SYT1: variants seen among roughly 807,000 people sequenced by gnomAD.
SYT1 encodes the protein synaptotagmin-1.
A neutral mutation model predicts 44.8 loss-of-function variants in SYT1; 8 were observed. The observed-to-expected ratio is 0.18, with a 90% CI of 0.10 to 0.32. The LOEUF (loss-of-function observed/expected upper bound fraction) is 0.32. SYT1 is among the 10% of genes least tolerant of loss of function. The probability of loss-of-function intolerance (pLI) is 1.00; values close to 1 mark genes in which losing one functional copy is unlikely to be tolerated. For missense variants in SYT1, 286 were observed against 509.3 expected, an observed-to-expected ratio of 0.56 and a Z score of 4.22; for synonymous variants, 154 against 188.8, an observed-to-expected ratio of 0.82 and a Z score of 1.51.
intron 2 of SYT1, among the ~76,000 whole-genome samples, chr12:79,016,137 G>C (rs1176501124): frequency 6.6e-6 from 1 of 152,122 alleles, no homozygotes; most frequent in African/African-American, 2.4e-5. Context: ...CAAAGAGAAA[G>C]ACAGTTAAAA....
At chr12:79,100,792 T>A (rs1010658501) in intron 3 of SYT1, among the ~76,000 whole-genome samples, 3 of 152,080 alleles carry the variant, frequency 2.0e-5, no homozygotes. Context: ...TTAATTATAC[T>A]TATTACTTAG....
chr12:79,368,638 C>G (rs1447988060), intron 9 of SYT1, among the ~76,000 whole-genome samples: 1 of 151,654 alleles, frequency 6.6e-6, no homozygotes, highest in East Asian at 1.9e-4. Context: ...TTGCATTTCT[C>G]TGACGGCCAG....
chr12:79,398,146 C>T (rs1477170711), intron 9 of SYT1, among the ~76,000 whole-genome samples: 3 of 152,122 alleles, frequency 2.0e-5, no homozygotes, highest in African/African-American at 7.2e-5. Context: ...GTATGAAAGG[C>T]CAGTCTGATC....
intron 5 of SYT1, among the ~76,000 whole-genome samples, chr12:79,290,005 C>G (rs1304319034): frequency 1.3e-5 from 2 of 151,778 alleles, no homozygotes; most frequent in African/African-American, 4.8e-5. Flanking sequence ...TGTTTCCTGC[C>G]TTTAGCTATT....
At chr12:79,104,923 A>C (rs950047341) in intron 3 of SYT1, among the ~76,000 whole-genome samples, 4 of 152,064 alleles carry the variant, frequency 2.6e-5, no homozygotes, top group African/African-American at 9.7e-5. Flanking sequence ...GATTTATTAG[A>C]GATTCCGAGA....
rs1192757555 is a variant in SYT1, at chr12:79,245,842, C to A, written c.166+28157C>A. Reference sequence around the variant, plus strand: ...TTAACAGAGTAGTTTAAGAGGATTTCATGAAAAGTAAAAAGAATATATAAC... The same window carrying A: ...TTAACAGAGTAGTTTAAGAGGATTTAATGAAAAGTAAAAAGAATATATAAC... On this transcript the variant is annotated intron_variant, in intron 4 of 10. Coordinates refer to ENST00000261205, the MANE Select transcript of SYT1 (RefSeq NM_005639.3). Among the ~76,000 whole-genome samples the A allele has an allele frequency of 6.2e-4, 93 of 150,616 alleles. 1 individual carries two copies. The highest frequency in any genetic ancestry group is 1.0e-4 in the Non-Finnish European group (7 of 67,748).
chr12:78,866,897 TAA>T (rs1873574941), intron 1 of SYT1, among the ~76,000 whole-genome samples: 1 of 152,130 alleles, frequency 6.6e-6, no homozygotes, highest in Non-Finnish European at 1.5e-5. Context: ...GTTTAATATA[TAA>T]GTTTACACAC....
At chr12:78,896,849 T>G (rs550452288) in intron 1 of SYT1, among the ~76,000 whole-genome samples, 2 of 151,942 alleles carry the variant, frequency 1.3e-5, no homozygotes, top group East Asian at 3.9e-4. Context: ...CTTTACGATT[T>G]CTATATCTTT....
chr12:79,233,185 C>T (rs1875971911), intron 4 of SYT1, among the ~76,000 whole-genome samples: 1 of 152,188 alleles, frequency 6.6e-6, no homozygotes, highest in South Asian at 2.1e-4. Context: ...AGTGTCCTCA[C>T]CCCCAAGCAT....
intron 1 of SYT1, among the ~76,000 whole-genome samples, chr12:78,970,730 A>C (rs1326759503): frequency 6.6e-6 from 1 of 152,222 alleles, no homozygotes; most frequent in Non-Finnish European, 1.5e-5. Flanking sequence ...TGCAGATCAA[A>C]GACATCACTG....
At chr12:79,122,307 G>A (rs1175896061) in intron 3 of SYT1, among the ~76,000 whole-genome samples, 1 of 151,552 alleles carries the variant, frequency 6.6e-6, no homozygotes, top group East Asian at 1.9e-4. Context: ...GAGGTCAGGA[G>A]ATCGAGACCA....
At chr12:78,886,444 A>C (rs1565702292) in intron 1 of SYT1, among the ~76,000 whole-genome samples, 1 of 152,014 alleles carries the variant, frequency 6.6e-6, no homozygotes, top group Non-Finnish European at 1.5e-5. Flanking sequence ...TACTGTGCTG[A>C]AGGCTGATTT....
At chr12:79,301,249 G>A (rs1207375775) in intron 8 of SYT1, among the ~76,000 whole-genome samples, 1 of 152,060 alleles carries the variant, frequency 6.6e-6, no homozygotes, top group Non-Finnish European at 1.5e-5. Flanking sequence ...AGGGTGCATG[G>A]TTCACACTTG....
chr12:79,225,522 A>G (rs1426583641), intron 4 of SYT1, among the ~76,000 whole-genome samples: 2 of 152,214 alleles, frequency 1.3e-5, no homozygotes, highest in Non-Finnish European at 2.9e-5. Context: ...TTTTGATATA[A>G]CTTTGAGGTC....
intron 2 of SYT1, among the ~76,000 whole-genome samples, chr12:79,006,484 G>A (rs1195445314): frequency 1.3e-5 from 2 of 152,052 alleles, no homozygotes; most frequent in East Asian, 1.9e-4. Flanking sequence ...TGAGAAACTG[G>A]TCATGTTACT....
intron 2 of SYT1, among the ~76,000 whole-genome samples, chr12:78,983,268 G>A (rs936383073): frequency 1.5e-4 from 23 of 151,868 alleles, no homozygotes; most frequent in African/African-American, 3.9e-4. Context: ...ATGAATTGCC[G>A]GAGAAATTTG....
At chr12:79,423,694 A>G (rs183586738) in intron 9 of SYT1, among the ~76,000 whole-genome samples, 1 of 152,198 alleles carries the variant, frequency 6.6e-6, no homozygotes, top group East Asian at 1.9e-4. Context: ...CTCAGATCTA[A>G]GAAACCCATT....
intron 8 of SYT1, among the ~76,000 whole-genome samples, chr12:79,305,771 C>A (rs1162452891): frequency 6.6e-6 from 1 of 152,206 alleles, no homozygotes; most frequent in African/African-American, 2.4e-5. Context: ...TCTCAGCTCA[C>A]TGCAACCCCC....
At chr12:78,993,948 C>A (rs1427469667) in intron 2 of SYT1, among the ~76,000 whole-genome samples, 1 of 152,150 alleles carries the variant, frequency 6.6e-6, no homozygotes, top group Admixed American at 6.5e-5. Context: ...GCTGACACAA[C>A]TTAATAATTA....
Sources: gnomAD v4.1 joint callset for allele counts (sites outside exome capture counted in the v4.1 genomes callset) on GRCh38, gnomAD v4.1.1 for gene constraint, MANE v1.5 for transcripts, NCBI Gene and HGNC (gene_info 2026-07-23, HGNC 2026-07-21) for gene names.